The following TMEM63C variants were observed in gnomAD, a reference collection of about 807,000 sequenced individuals.
The protein encoded by TMEM63C is transmembrane protein 63C.
Under a neutral mutation model 99.2 loss-of-function variants are expected in TMEM63C, and 32 were observed. That is an observed-to-expected ratio of 0.32 (90% CI 0.24 to 0.43). TMEM63C has a LOEUF of 0.43. Among genes scored for constraint, TMEM63C ranks in the 20% least tolerant of loss-of-function variants. The probability of loss-of-function intolerance (pLI) is 1.00; values close to 1 mark genes in which losing one functional copy is unlikely to be tolerated. For synonymous variants in TMEM63C, 376 were observed against 397.9 expected, an observed-to-expected ratio of 0.94 and a Z score of 0.66; for missense variants, 826 against 1,053.0, an observed-to-expected ratio of 0.78 and a Z score of 2.98.
At chr14:77,193,773 G>T (rs1266804892) in intron 1 of TMEM63C, among the ~76,000 whole-genome samples, 1 of 151,778 alleles carries the variant, frequency 6.6e-6, no homozygotes, top group Non-Finnish European at 1.5e-5. Flanking sequence ...GGCAGAAGTT[G>T]CAGTAAGCAG....
At chr14:77,225,486 T>C (rs765914512) in intron 6 of TMEM63C, 25 bp downstream of exon 6, 12 of 1,611,632 alleles carry the variant, frequency 7.4e-6, no homozygotes, top group African/African-American at 1.3e-5. Context: ...TCTGTGAGCT[T>C]GTGACCGTGT....
chr14:77,233,647 C>A, intron 8 of TMEM63C, 147 bp downstream of exon 8: 1 of 780,606 alleles, frequency 1.3e-6, no homozygotes, highest in South Asian at 1.6e-5. Flanking sequence ...AGTGAGATGC[C>A]AGAAGCTGCA....
chr14:77,225,368 T>A, intron 5 of TMEM63C, 56 bp from the exon 6 acceptor site: 1 of 1,576,214 alleles, frequency 6.3e-7, no homozygotes, highest in Non-Finnish European at 8.6e-7. Context: ...TTCCCAGAGC[T>A]GGGCAGGGCA....
At chr14:77,232,150 T>TG (rs1856492547) in intron 7 of TMEM63C, among the ~76,000 whole-genome samples, 2 of 152,236 alleles carry the variant, frequency 1.3e-5, no homozygotes. Flanking sequence ...GTGAGCCCTT[T>TG]GGAGGGAACA....
chr14:77,244,409 C>T lies in TMEM63C; in HGVS notation c.1402C>T (p.Pro468Ser). 6.2e-7 allele frequency: 1 copy of T among 1,613,942 alleles called. No homozygotes were observed. The highest frequency in any genetic ancestry group is 8.5e-7 in the Non-Finnish European group (1 of 1,179,888). Residue 468 changes from proline to serine, a missense_variant, in exon 16 of 24, where the codon CCT (proline) becomes TCT (serine). Transcript: ENST00000298351. ...VMLWGFTVIL[P>S]LIVYFSAFLE... ...GCTCTGGGGCTTCACAGTGATACTGCCTCTGATTGTCTACTTCTCCGCCTT... is the reference window on the plus strand; with the variant it reads ...GCTCTGGGGCTTCACAGTGATACTGTCTCTGATTGTCTACTTCTCCGCCTT...
At position 77,244,297 on chromosome 14, in the gene TMEM63C, G is replaced by A; in HGVS notation, c.1342-52G>A. The A allele has an allele frequency of 6.7e-6, 9 of 1,352,648 alleles. No individual in the cohort carries two copies. The South Asian group carries it at 7.2e-5, about 11-fold the overall frequency. The allele number at this position is 1,352,648 out of a possible 1,614,324, so 83.8% of individuals were successfully genotyped here. A position where few individuals can be genotyped will look rare whatever the true frequency, so the allele number is the denominator to read the frequency against. On this transcript the variant is annotated intron_variant, in intron 15 of 23. Transcript: ENST00000298351. ...GTGGGAGGAGAAGAAGCAAGGGGAA[G>A]AGGATGCTTGCATTGACGTCTCTCC...
chr14:77,188,306 C>A (rs1179169267), intron 1 of TMEM63C, among the ~76,000 whole-genome samples: 1 of 152,208 alleles, frequency 6.6e-6, no homozygotes, highest in Non-Finnish European at 1.5e-5. Context: ...GCCAGTCACA[C>A]ACAGGTCCTC....
At chr14:77,239,767 G>A in intron 12 of TMEM63C, 41 bp downstream of exon 12, 3 of 1,603,724 alleles carry the variant, frequency 1.9e-6, no homozygotes, top group Non-Finnish European at 1.7e-6. Flanking sequence ...AGGGAGCGGT[G>A]GGGTCCTGGG....
intron 7 of TMEM63C, among the ~76,000 whole-genome samples, chr14:77,232,531 G>A (rs429008): frequency 0.064 from 9,808 of 152,074 alleles, 408 homozygotes; most frequent in Admixed American, 0.1. Flanking sequence ...CCAGTGATCC[G>A]CCCGCCTTGG....
chr14:77,211,861 C>G (rs1315403803), intron 1 of TMEM63C, among the ~76,000 whole-genome samples: 1 of 152,168 alleles, frequency 6.6e-6, no homozygotes, highest in Non-Finnish European at 1.5e-5. Flanking sequence ...GCCCTGAAAC[C>G]CTGACTCACC....
At chr14:77,208,176 C>T (rs759787857) in intron 1 of TMEM63C, among the ~76,000 whole-genome samples, 8 of 152,216 alleles carry the variant, frequency 5.3e-5, no homozygotes, top group Non-Finnish European at 8.8e-5. Flanking sequence ...CTGTAGTCAG[C>T]TTGATTCATA....
chr14:77,247,132 A>G (rs527275054), intron 18 of TMEM63C, among the ~76,000 whole-genome samples: 1 of 152,348 alleles, frequency 6.6e-6, no homozygotes, highest in East Asian at 1.9e-4. Context: ...CAATTATACA[A>G]TTATACTGAA....
intron 1 of TMEM63C, among the ~76,000 whole-genome samples, chr14:77,213,070 A>G (rs78063340): frequency 0.013 from 1,971 of 152,304 alleles, 41 homozygotes; most frequent in African/African-American, 0.045. Context: ...GGTCTATTCT[A>G]CACTGTAGCC....
chr14:77,212,412 A>G (rs1365084675), intron 1 of TMEM63C: 1 of 152,234 alleles, frequency 6.6e-6, no homozygotes, highest in African/African-American at 2.4e-5. Flanking sequence ...TGATGTCTAA[A>G]CAGATGAGTT....
intron 18 of TMEM63C, 124 bp downstream of exon 18, chr14:77,246,798 C>A: frequency 1.4e-6 from 1 of 734,230 alleles, no homozygotes; most frequent in Non-Finnish European, 2.2e-6. Context: ...TTGTGAACAC[C>A]CTCACTGGGC....
Position 77,239,505 on chromosome 14 carries a change from C to T in TMEM63C, c.806+13C>T, listed in dbSNP as rs775282070. On this transcript the variant is annotated intron_variant, in intron 11 of 23. Transcript: ENST00000298351. ...TGGACGATCAGAGGTGAGGCTGCAG[C>T]GGGGCCTTTTGGGGCCCGGGGTGGG... 8 of 1,613,034 alleles carry T rather than the reference C, an allele frequency of 5.0e-6. No individual in the cohort carries two copies. Among genetic ancestry groups the T allele is most frequent in the South Asian group, 3.3e-5 (3 of 91,058 alleles).
At chr14:77,235,434 C>T (rs142748596) in intron 8 of TMEM63C, among the ~76,000 whole-genome samples, 2,457 of 41,436 alleles carry the variant, frequency 0.059, 509 homozygotes, top group Admixed American at 0.12. Flanking sequence ...GGGAAGGTGT[C>T]CAGGGGGACT....
At chr14:77,205,760 C>G (rs961036900) in intron 1 of TMEM63C, among the ~76,000 whole-genome samples, 3 of 152,168 alleles carry the variant, frequency 2.0e-5, no homozygotes, top group East Asian at 3.9e-4. Context: ...CCAAGAGGGC[C>G]TCCCCTGGTC....
intron 18 of TMEM63C, 47 bp downstream of exon 18, chr14:77,246,721 G>T (rs1299128248): frequency 6.6e-7 from 1 of 1,523,792 alleles, no homozygotes; most frequent in Non-Finnish European, 9.1e-7. Flanking sequence ...GTGCACACAG[G>T]AGTGGTTATA....
Sources: allele counts gnomAD v4.1 joint callset (sites outside exome capture counted in the v4.1 genomes callset), GRCh38; gene constraint gnomAD v4.1.1; transcripts MANE v1.5; gene names NCBI Gene and HGNC (gene_info 2026-07-23, HGNC 2026-07-21).